The following AP2A2 variants were observed in gnomAD, a reference collection of about 807,000 sequenced individuals.
The protein encoded by AP2A2 is adaptor related protein complex 2 subunit alpha 2.
A neutral mutation model predicts 104.2 loss-of-function variants in AP2A2; 32 were observed. The observed-to-expected ratio is 0.31, with a 90% CI of 0.23 to 0.41. The LOEUF is 0.41. Among genes scored for constraint, AP2A2 ranks in the 10% least tolerant of loss-of-function variants. The pLI is 1.00. For synonymous variants in AP2A2, 539 were observed against 533.3 expected (o/e 1.01, Z -0.15); for missense variants, 912 against 1,261.0 (o/e 0.72, Z 4.19).
At chr11:1,008,981 G>T (rs1276207179) in intron 18 of AP2A2, 119 bp from the exon 19 acceptor site, 2 of 795,042 alleles carry the variant, frequency 2.5e-6, no homozygotes, top group Admixed American at 2.4e-5. Flanking sequence ...TCGGCCCCCC[G>T]ACCCGCTCTG....
In AP2A2 at chr11:990,426, CGGGAGCCTCGTTCCTGATTGTTGTTCTG is replaced by C. The variant is rs1444804431; in HGVS notation, c.1269+1740_1269+1767del. ...GGGCTGGCTCTGGGGACGGCCGTCA[CGGGAGCCTCGTTCCTGATTGTTGTTCTG>C]GGTGTTTTGAACAGAGACAGAAGCA... On this transcript the variant is annotated intron_variant, in intron 10 of 21. Coordinates refer to ENST00000448903, the MANE Select transcript of AP2A2 (RefSeq NM_012305.4). Among the ~76,000 whole-genome samples the C allele has an allele frequency of 1.2e-3, 186 of 152,248 alleles. 1 individual carries two copies. The highest frequency in any genetic ancestry group is 4.4e-3 in the African/African-American group (181 of 41,546).
chr11:985,279 G>C, intron 7 of AP2A2, 156 bp from the exon 8 acceptor site: 2 of 1,008,092 alleles, frequency 2.0e-6, no homozygotes, highest in South Asian at 3.5e-5. Context: ...CACCGTGCCC[G>C]GCCTGTCTCA....
chr11:925,962 CCGCTCCCCG>C lies in AP2A2; in HGVS notation c.-53_-45del. The C allele has an allele frequency of 7.6e-7, 1 of 1,310,262 alleles. No individual in the cohort carries two copies. Among genetic ancestry groups the C allele is most frequent in the East Asian group, 3.3e-5 (1 of 30,440 alleles). The allele number at this position is 1,310,262 out of a possible 1,614,324, so 81.2% of individuals were successfully genotyped here. On this transcript the variant is annotated 5_prime_UTR_variant, in exon 1 of 22. Coordinates refer to ENST00000448903, the MANE Select transcript of AP2A2 (RefSeq NM_012305.4). Reference sequence around the variant, plus strand: ...TGACGGCGACCGCACTCCCCGCTTCCCGCTCCCCGCGCTCCTCCGCCCGGGTCCGCCAGC... The same window carrying C: ...TGACGGCGACCGCACTCCCCGCTTCCCGCTCCTCCGCCCGGGTCCGCCAGC...
In AP2A2 at chr11:976,990, C is replaced by T. The variant is rs116495280; in HGVS notation, c.474-105C>T. 2,644 of 1,502,750 alleles carry T rather than the reference C, an allele frequency of 1.8e-3. 51 individuals carry two copies. In the African/African-American group the frequency reaches 0.032, roughly 18 times the overall value. 93.1% of individuals were successfully genotyped at this position (1,502,750 alleles called of 1,614,324 possible). A position where few individuals can be genotyped will look rare whatever the true frequency, so the allele number is the denominator to read the frequency against. ...GCCCTGAGTGCTGTCTTGGCCCCTGCGCCAGCCCCACCCCCGCGTCTCCTG... is the reference window on the plus strand; with the variant it reads ...GCCCTGAGTGCTGTCTTGGCCCCTGTGCCAGCCCCACCCCCGCGTCTCCTG... On this transcript the variant is annotated intron_variant, in intron 4 of 21. Transcript: ENST00000448903.
At chr11:944,670 C>T (rs968508094) in intron 1 of AP2A2, among the ~76,000 whole-genome samples, 5 of 152,078 alleles carry the variant, frequency 3.3e-5, no homozygotes, top group Non-Finnish European at 5.9e-5. Flanking sequence ...TGATCAGGGC[C>T]GGCCCTTCTG....
chr11:937,868 G>A (rs531338214), intron 1 of AP2A2, among the ~76,000 whole-genome samples: 1 of 152,268 alleles, frequency 6.6e-6, no homozygotes, highest in Admixed American at 6.5e-5. Flanking sequence ...AAACTGTGGC[G>A]TGGAGAGGTT....
At chr11:985,322 T>C (rs1460348861) in intron 7 of AP2A2, 113 bp from the exon 8 acceptor site, 2 of 1,358,782 alleles carry the variant, frequency 1.5e-6, no homozygotes, top group Admixed American at 2.3e-5. Context: ...GGTACACAAA[T>C]GTGAATGAAC....
chr11:955,998 C>T (rs1390473328), intron 1 of AP2A2, among the ~76,000 whole-genome samples: 2 of 152,138 alleles, frequency 1.3e-5, no homozygotes, highest in Non-Finnish European at 2.9e-5. Context: ...AAACCAAAGA[C>T]TCACTTGAGA....
At chr11:982,764 C>T (rs1172777613) in intron 6 of AP2A2, among the ~76,000 whole-genome samples, 1 of 151,570 alleles carries the variant, frequency 6.6e-6, no homozygotes, top group African/African-American at 2.4e-5. Context: ...GGTTCTCCTG[C>T]CTCAGCCTCC....
intron 5 of AP2A2, among the ~76,000 whole-genome samples, chr11:980,652 G>A (rs917342236): frequency 3.3e-5 from 5 of 152,238 alleles, no homozygotes; most frequent in African/African-American, 9.6e-5. Context: ...GAGGACTCGC[G>A]TGCTGGGCCT....
In AP2A2 at chr11:985,351, A is replaced by G. The variant is rs1193044899; in HGVS notation, c.815-84A>G. The G allele has an allele frequency of 2.7e-6, 4 of 1,497,226 alleles. No homozygotes were observed. In the South Asian group the frequency reaches 3.8e-5, roughly 14 times the overall value. 92.7% of individuals were successfully genotyped at this position (1,497,226 alleles called of 1,614,324 possible). ...AATGAACTATATTAAAAATGCTCTC[A>G]TGATGTATGGGTGCAGCCGGGAGGG... is the stretch of plus-strand genomic sequence containing the variant. On this transcript the variant is annotated intron_variant, in intron 7 of 21. Transcript: ENST00000448903.
intron 2 of AP2A2, among the ~76,000 whole-genome samples, chr11:962,523 G>A (rs967085460): frequency 3.9e-5 from 6 of 152,072 alleles, no homozygotes; most frequent in Non-Finnish European, 7.4e-5. Flanking sequence ...GATTGAGGTC[G>A]GGAGTTCGAG....
chr11:938,517 C>T (rs963536298), intron 1 of AP2A2, among the ~76,000 whole-genome samples: 24 of 151,584 alleles, frequency 1.6e-4, no homozygotes, highest in Non-Finnish European at 3.1e-4. Flanking sequence ...CTCTGTCCCC[C>T]AGGCTGGAGT....
At chr11:969,697 G>C (rs912128963) in intron 2 of AP2A2, among the ~76,000 whole-genome samples, 1 of 152,204 alleles carries the variant, frequency 6.6e-6, no homozygotes, top group African/African-American at 2.4e-5. Flanking sequence ...TTGTTTTCAT[G>C]ACCAGCTGAT....
At chr11:935,726 C>T (rs1370787581) in intron 1 of AP2A2, among the ~76,000 whole-genome samples, 9 of 148,860 alleles carry the variant, frequency 6.0e-5, no homozygotes, top group East Asian at 6.0e-4. Context: ...TCTGTCTCAG[C>T]GTCCTGAGTA....
intron 1 of AP2A2, among the ~76,000 whole-genome samples, chr11:927,630 A>G (rs1207357642): frequency 1.3e-5 from 2 of 151,962 alleles, no homozygotes; most frequent in Non-Finnish European, 2.9e-5. Flanking sequence ...AGCCTGGGCA[A>G]TGTGGTAACA....
intron 1 of AP2A2, among the ~76,000 whole-genome samples, chr11:938,664 CG>C (rs1853545641): frequency 1.3e-5 from 2 of 151,764 alleles, no homozygotes; most frequent in South Asian, 4.2e-4. Flanking sequence ...TTAGTAGAGA[CG>C]GGGTTTCACC....
At chr11:978,632 C>T (rs975332618) in intron 5 of AP2A2, among the ~76,000 whole-genome samples, 3 of 152,212 alleles carry the variant, frequency 2.0e-5, no homozygotes, top group Admixed American at 1.3e-4. Flanking sequence ...TCCCAGCTTG[C>T]GCACCTGCAC....
In AP2A2 at chr11:992,598, C is replaced by T. The variant is rs200593003; in HGVS notation, c.1365C>T (p.Tyr455=). The T allele has an allele frequency of 1.3e-5, 21 of 1,613,932 alleles. No individual in the cohort carries two copies. The highest frequency in any genetic ancestry group is 4.5e-5 in the East Asian group (2 of 44,884). Residue 455 remains tyrosine (Y), a synonymous_variant, in exon 11 of 22, where the codon TAC becomes TAT. Coordinates refer to ENST00000448903, the MANE Select transcript of AP2A2 (RefSeq NM_012305.4). The surrounding 1 kb of genome is among the most constrained non-coding windows in gnomAD (Gnocchi z 6.4). ...ACTTGATCCGAATTGCTGGTGATTA[C>T]GTGAGTGAAGAGGTGTGGTACCGAG... is the stretch of plus-strand genomic sequence containing the variant. ...ILNLIRIAGD[Y]VSEEVWYRVI...
Sources: gnomAD v4.1 joint callset for allele counts (sites outside exome capture counted in the v4.1 genomes callset) on GRCh38, gnomAD v4.1.1 for gene constraint, Gnocchi (gnomAD v3.1) non-coding constraint, MANE v1.5 for transcripts, NCBI Gene and HGNC (gene_info 2026-07-23, HGNC 2026-07-21) for gene names.